The following NPAS3 variants were observed in gnomAD, a reference collection of about 807,000 sequenced individuals.
NPAS3 encodes neuronal PAS domain-containing protein 3.
Under a neutral mutation model 73.1 loss-of-function variants are expected in NPAS3, and 14 were observed. The observed-to-expected ratio is 0.19, with a 90% CI of 0.13 to 0.30. The LOEUF (loss-of-function observed/expected upper bound fraction) is 0.30. Among genes scored for constraint, NPAS3 ranks in the 10% least tolerant of loss-of-function variants. The pLI, the probability that NPAS3 is intolerant of heterozygous loss-of-function variation, is 1.00. For missense variants in NPAS3, 1,096 were observed against 1,250.0 expected (o/e 0.88, Z 1.86); for synonymous variants, 620 against 541.5 (o/e 1.14, Z -2.01).
intron 6 of NPAS3, among the ~76,000 whole-genome samples, chr14:33,725,269 A>C (rs940759714): frequency 2.6e-5 from 4 of 152,050 alleles, no homozygotes; most frequent in Non-Finnish European, 5.9e-5. Flanking sequence ...ATAATAAAAA[A>C]TAAATAAATA....
intron 7 of NPAS3, among the ~76,000 whole-genome samples, chr14:33,758,368 G>A (rs553435348): frequency 5.3e-5 from 8 of 152,338 alleles, no homozygotes; most frequent in Admixed American, 3.3e-4. Context: ...TCGCCCTAGT[G>A]CCTTGTCAGG....
intron 5 of NPAS3, among the ~76,000 whole-genome samples, chr14:33,672,740 A>G (rs2059646983): frequency 6.6e-6 from 1 of 151,820 alleles, no homozygotes; most frequent in South Asian, 2.1e-4. Context: ...TAGTGGGAAA[A>G]GTGGTGGACT....
At chr14:33,582,202 C>A (rs1246476479) in intron 5 of NPAS3, 1 of 152,162 alleles carries the variant, frequency 6.6e-6, no homozygotes, top group Middle Eastern at 3.2e-3. Context: ...GGTATTAGAT[C>A]ATCCATTTTC....
intron 5 of NPAS3, among the ~76,000 whole-genome samples, chr14:33,563,785 A>T (rs2055786043): frequency 1.3e-5 from 2 of 152,134 alleles, no homozygotes; most frequent in African/African-American, 2.4e-5. Flanking sequence ...TGTTCATGAC[A>T]GCTCTGCTTT....
intron 1 of NPAS3, among the ~76,000 whole-genome samples, chr14:33,044,819 A>G (rs1850385205): frequency 6.6e-6 from 1 of 152,112 alleles, no homozygotes; most frequent in South Asian, 2.1e-4. Flanking sequence ...TTAGTTAGGA[A>G]GCTAACAGGT....
intron 2 of NPAS3, among the ~76,000 whole-genome samples, chr14:33,071,402 C>T (rs761333553): frequency 9.2e-5 from 14 of 152,100 alleles, no homozygotes; most frequent in Non-Finnish European, 1.2e-4. Flanking sequence ...TAGGCAATTC[C>T]AAAACGTTTT....
chr14:33,117,530 A>G lies in NPAS3; in HGVS notation c.140+61536A>G, dbSNP rs184464746. On this transcript the variant is annotated intron_variant, in intron 2 of 11. Transcript: ENST00000356141. ...TGCAGTGTTAATGGTGTGTCTTGCT[A>G]TGGCGATTTAGGTTTGATTGTATTG... 7.2e-5 allele frequency among the ~76,000 whole-genome samples: 11 copies of G among 152,230 alleles called. No individual in the cohort carries two copies. The East Asian group carries it at 2.1e-3, about 29-fold the overall frequency.
chr14:33,015,212 A>G (rs1451060192), intron 1 of NPAS3, among the ~76,000 whole-genome samples: 1 of 152,190 alleles, frequency 6.6e-6, no homozygotes, highest in East Asian at 1.9e-4. Flanking sequence ...CTGGATTCTA[A>G]CTTACAAGGT....
At chr14:33,788,242 G>T (rs2063237626) in intron 9 of NPAS3, among the ~76,000 whole-genome samples, 1 of 152,168 alleles carries the variant, frequency 6.6e-6, no homozygotes, top group African/African-American at 2.4e-5. Flanking sequence ...TGTAGCAGAA[G>T]GCACCTGCTC....
chr14:33,562,589 TGC>T (rs1336807056), intron 5 of NPAS3, among the ~76,000 whole-genome samples: 1 of 152,218 alleles, frequency 6.6e-6, no homozygotes, highest in East Asian at 1.9e-4. Flanking sequence ...AAGTGATTTT[TGC>T]GTATACCAGT....
At chr14:33,367,339 A>T (rs968253781) in intron 4 of NPAS3, 71 bp downstream of exon 4, 3 of 706,924 alleles carry the variant, frequency 4.2e-6, no homozygotes, top group South Asian at 1.8e-5. Flanking sequence ...TCTTTTTTTT[A>T]AAGAATTTTT....
At chr14:33,587,403 T>C (rs937158049) in intron 5 of NPAS3, among the ~76,000 whole-genome samples, 18 of 152,208 alleles carry the variant, frequency 1.2e-4, no homozygotes, top group Non-Finnish European at 1.8e-4. Context: ...ACCAACTGTC[T>C]AGTGCAAGCC....
At chr14:33,789,583 C>CTTTTTTTTT (rs10567527) in intron 9 of NPAS3, among the ~76,000 whole-genome samples, 1,756 of 92,246 alleles carry the variant, frequency 0.019, 180 homozygotes, top group African/African-American at 0.044. Flanking sequence ...TAGAGTACAA[C>CTTTTTTTTT]TTTTTTTTTT....
intron 4 of NPAS3, among the ~76,000 whole-genome samples, chr14:33,488,377 G>A (rs1226783992): frequency 6.6e-6 from 1 of 151,940 alleles, no homozygotes; most frequent in Non-Finnish European, 1.5e-5. Context: ...TATGTACAAT[G>A]GAAAGCATGC....
intron 7 of NPAS3, among the ~76,000 whole-genome samples, chr14:33,739,419 C>T (rs1353319013): frequency 6.6e-6 from 1 of 152,138 alleles, no homozygotes; most frequent in African/African-American, 2.4e-5. Flanking sequence ...TTATTAGGAT[C>T]GCTCATATAC....
In NPAS3 at chr14:33,330,922, A is replaced by G. The variant is rs545430059; in HGVS notation, c.386-36264A>G. Among the ~76,000 whole-genome samples the G allele has an allele frequency of 5.9e-5, 9 of 152,348 alleles. No individual in the cohort carries two copies. In the East Asian group the frequency reaches 1.7e-3, roughly 29 times the overall value. ...GAATAATTATTTGCTGGTGTGAAGG[A>G]GGAATGCATTCTAATGAAGGCATAT... On this transcript the variant is annotated intron_variant, in intron 3 of 11. Transcript: ENST00000356141.
chr14:33,638,211 T>A (rs745316044), intron 5 of NPAS3, among the ~76,000 whole-genome samples: 8 of 152,240 alleles, frequency 5.3e-5, no homozygotes, highest in Admixed American at 1.3e-4. Context: ...TTACTTATTT[T>A]AGGTTTTTGG....
chr14:33,784,091 A>G lies in NPAS3; in HGVS notation c.1153+5519A>G, dbSNP rs114241777. On this transcript the variant is annotated intron_variant, in intron 9 of 11. Coordinates refer to ENST00000356141, the Ensembl canonical transcript of NPAS3. ...ACAAAGATATAAAGTTTTAAATATC[A>G]ACAGGAAAAATTTAACAGAGTATAC... is the stretch of plus-strand genomic sequence containing the variant. Among the ~76,000 whole-genome samples, 370 of 152,362 alleles carry G rather than the reference A, an allele frequency of 2.4e-3. 1 individual carries two copies. Among genetic ancestry groups the G allele is most frequent in the African/African-American group, 8.5e-3 (353 of 41,584 alleles).
chr14:33,429,216 A>G (rs540386146), intron 4 of NPAS3, among the ~76,000 whole-genome samples: 5 of 152,188 alleles, frequency 3.3e-5, no homozygotes. Flanking sequence ...AAGAACCAGC[A>G]TATGTAAAAT....
Sources: gnomAD v4.1 joint callset for allele counts (sites outside exome capture counted in the v4.1 genomes callset) on GRCh38, gnomAD v4.1.1 for gene constraint, MANE v1.5 for transcripts, NCBI Gene and HGNC (gene_info 2026-07-23, HGNC 2026-07-21) for gene names.